Variants in ILKAP observed in about 807,000 individuals in gnomAD.
ILKAP encodes the protein ILK associated serine/threonine phosphatase.
In ILKAP, 11 loss-of-function variants were observed where a neutral mutation model predicts 49.1. That is an observed-to-expected ratio of 0.22 (90% CI 0.14 to 0.37). The LOEUF (loss-of-function observed/expected upper bound fraction) is 0.37, where lower values mean the gene tolerates loss of function less well. ILKAP is among the 10% of genes least tolerant of loss of function. The probability of loss-of-function intolerance (pLI) is 1.00; values close to 1 mark genes in which losing one functional copy is unlikely to be tolerated. For synonymous variants in ILKAP, 186 were observed against 192.8 expected, an observed-to-expected ratio of 0.96 and a Z score of 0.29; for missense variants, 363 against 510.8, an observed-to-expected ratio of 0.71 and a Z score of 2.79.
At chr2:238,199,939 A>C (rs1694501072) in intron 1 of ILKAP, among the ~76,000 whole-genome samples, 1 of 152,152 alleles carries the variant, frequency 6.6e-6, no homozygotes, top group Admixed American at 6.5e-5. Context: ...AGTATTTTTA[A>C]GATGGTGTGG....
Position 238,188,163 on chromosome 2 carries a change from G to C in ILKAP, c.393C>G (p.Ile131Met), listed in dbSNP as rs1388788348. 6.2e-7 allele frequency: 1 copy of C among 1,614,024 alleles called. No homozygotes were observed. Among genetic ancestry groups the C allele is most frequent in the East Asian group, 2.2e-5 (1 of 44,902 alleles). ...ACGATGGGGGCCTACACTCCTCGGT[G>C]ATGTCGTTCAGGATGACGTGGGCAT... ...MQDAHVILND[I>M]TEECRPPSSL... Residue 131 changes from isoleucine (I) to methionine (M), a missense_variant, in exon 5 of 12, where the codon ATC becomes ATG. By Grantham distance (10) the Ile-to-Met change is conservative. This residue lies in a region of ILKAP where 166 missense variants were observed against 307.3 expected (regional missense o/e 0.54). Transcript: ENST00000254654.
chr2:238,192,377 CT>C (rs1381643394), intron 3 of ILKAP, among the ~76,000 whole-genome samples: 4 of 152,056 alleles, frequency 2.6e-5, no homozygotes, highest in African/African-American at 9.7e-5. Flanking sequence ...ACATAATCAA[CT>C]TTTGTAAATG....
intron 3 of ILKAP, among the ~76,000 whole-genome samples, chr2:238,192,469 G>A (rs912727507): frequency 2.0e-5 from 3 of 152,076 alleles, no homozygotes; most frequent in African/African-American, 4.8e-5. Flanking sequence ...GGAGGCCGAG[G>A]CAGGCGGATC....
At chr2:238,171,153 CTTTTTTCTTTTTTT>C in intron 10 of ILKAP, 129 bp from the exon 11 acceptor site, 2 of 509,188 alleles carry the variant, frequency 3.9e-6, no homozygotes, top group Non-Finnish European at 6.8e-6. Context: ...TTTTTTTTTT[CTTTTTTCTTTTTTT>C]TTTTTTTTTG....
intron 9 of ILKAP, among the ~76,000 whole-genome samples, chr2:238,177,002 A>C (rs560480461): frequency 1.2e-4 from 19 of 152,386 alleles, no homozygotes; most frequent in African/African-American, 4.1e-4. Context: ...ATCAAGTTCT[A>C]GGCACACAGT....
At chr2:238,191,973 G>A (rs969331179) in intron 3 of ILKAP, among the ~76,000 whole-genome samples, 1 of 151,702 alleles carries the variant, frequency 6.6e-6, no homozygotes, top group South Asian at 2.1e-4. Flanking sequence ...AGCACTTTGG[G>A]AGGCAGAGGC....
Position 238,188,136 on chromosome 2 carries a change from G to C in ILKAP, c.420C>G (p.Ser140=). ...TCCTACCACATGAGACTCACATGAG[G>C]GACGATGGGGGCCTACACTCCTCGG... ...DITEECRPPS[S]LITRVSYFAV... The change falls in exon 5 of 12, where the codon TCC becomes TCG. Residue 140 remains serine (S), a synonymous_variant. Transcript: ENST00000254654. The C allele has an allele frequency of 6.2e-7, 1 of 1,614,000 alleles. No individual in the cohort carries two copies. Among genetic ancestry groups the C allele is most frequent in the Non-Finnish European group, 8.5e-7 (1 of 1,179,976 alleles).
chr2:238,190,419 T>C (rs1335518655), intron 3 of ILKAP, among the ~76,000 whole-genome samples: 1 of 152,154 alleles, frequency 6.6e-6, no homozygotes, highest in African/African-American at 2.4e-5. Context: ...AGAACTGTAA[T>C]ACATCCTTTC....
At chr2:238,173,436 AC>A in intron 10 of ILKAP, 97 bp downstream of exon 10, 1 of 1,501,138 alleles carries the variant, frequency 6.7e-7, no homozygotes, top group Non-Finnish European at 9.1e-7. Flanking sequence ...AGCACCATGC[AC>A]ACCTTCCCTC....
In ILKAP at chr2:238,203,556, C is replaced by G. The variant is rs975878755; in HGVS notation, c.-3G>C. 1.7e-6 allele frequency: 2 copies of G among 1,170,460 alleles called. No homozygotes were observed. The highest frequency in any genetic ancestry group is 2.1e-6 in the Non-Finnish European group (2 of 944,830). 72.5% of individuals were successfully genotyped at this position (1,170,460 alleles called of 1,614,324 possible). A position where few individuals can be genotyped will look rare whatever the true frequency, so the allele number is the denominator to read the frequency against. On this transcript the variant is annotated 5_prime_UTR_variant, in exon 1 of 12. Transcript: ENST00000254654. ...GGCAGGTCCCCGAAGAGGTCCATGG[C>G]GGAGGCTGGGTGGAGGCGGCAGCAG...
intron 9 of ILKAP, among the ~76,000 whole-genome samples, chr2:238,181,596 A>C (rs530615762): frequency 6.6e-6 from 1 of 151,934 alleles, no homozygotes; most frequent in Non-Finnish European, 1.5e-5. Context: ...TAACTTATTC[A>C]ATGTGAAAAG....
chr2:238,170,478 C>A lies in ILKAP; in HGVS notation c.*58G>T. ...GTACACAAAACACACAATGTGCACACACACAAAATGAACCTTTTAAGTCAA... is the reference window on the plus strand; with the variant it reads ...GTACACAAAACACACAATGTGCACAAACACAAAATGAACCTTTTAAGTCAA... On this transcript the variant is annotated 3_prime_UTR_variant, in exon 12 of 12. Transcript: ENST00000254654. The A allele has an allele frequency of 6.5e-7, 1 of 1,532,028 alleles. No individual in the cohort carries two copies. Among genetic ancestry groups the A allele is most frequent in the East Asian group, 2.3e-5 (1 of 43,684 alleles). 94.9% of individuals were successfully genotyped at this position (1,532,028 alleles called of 1,614,324 possible).
In ILKAP at chr2:238,192,744, G is replaced by A. The variant is rs533230290; in HGVS notation, c.178+1531C>T. Among the ~76,000 whole-genome samples, 200 of 150,370 alleles carry A rather than the reference G, an allele frequency of 1.3e-3. 1 individual carries two copies. The highest frequency in any genetic ancestry group is 2.2e-3 in the Non-Finnish European group (152 of 67,806). On this transcript the variant is annotated intron_variant, in intron 3 of 11. Transcript: ENST00000254654. ...AAGAATGTGTTATCGGCTGGGTGCA[G>A]TGGCTCACGCCTGTAATCTCAGCAC...
In ILKAP at chr2:238,198,499, A is replaced by G. The variant is rs185663877; in HGVS notation, c.56-3629T>C. On this transcript the variant is annotated intron_variant, in intron 1 of 11. Coordinates refer to ENST00000254654, the MANE Select transcript of ILKAP (RefSeq NM_030768.3). ...AGCAATCTTCCTGCCTCAGCATCCC[A>G]AAGTGCTGGGATTACAGATGTGACC... Among the ~76,000 whole-genome samples the G allele has an allele frequency of 1.8e-3, 270 of 152,312 alleles. 4 individuals carry two copies. The highest frequency in any genetic ancestry group is 0.016 in the Admixed American group (252 of 15,300).
chr2:238,180,801 T>A (rs1693657396), intron 9 of ILKAP, among the ~76,000 whole-genome samples: 1 of 152,254 alleles, frequency 6.6e-6, no homozygotes, highest in Non-Finnish European at 1.5e-5. Context: ...TGGCCTTACT[T>A]TCAGCCATCG....
At chr2:238,190,715 A>T (rs72991011) in intron 3 of ILKAP, among the ~76,000 whole-genome samples, 2,016 of 152,182 alleles carry the variant, frequency 0.013, 16 homozygotes, top group South Asian at 0.05. Context: ...GTCCTAATAA[A>T]TGACTTGAAA....
intron 9 of ILKAP, among the ~76,000 whole-genome samples, chr2:238,180,060 A>C (rs946094042): frequency 6.6e-6 from 1 of 152,064 alleles, no homozygotes; most frequent in Non-Finnish European, 1.5e-5. Context: ...GGTCCCAGCT[A>C]CTTGGGAGGC....
chr2:238,197,749 A>G (rs1694405341), intron 1 of ILKAP, among the ~76,000 whole-genome samples: 1 of 152,176 alleles, frequency 6.6e-6, no homozygotes, highest in Non-Finnish European at 1.5e-5. Context: ...GAGGTATTTC[A>G]ATTAAACACA....
intron 3 of ILKAP, among the ~76,000 whole-genome samples, chr2:238,192,389 G>A (rs745905416): frequency 2.0e-5 from 3 of 151,886 alleles, no homozygotes; most frequent in Non-Finnish European, 2.9e-5. Context: ...TTTGTAAATG[G>A]TTCCTGCCCG....
Sources: allele counts gnomAD v4.1 joint callset (sites outside exome capture counted in the v4.1 genomes callset), GRCh38; gene constraint gnomAD v4.1.1; regional missense constraint gnomAD v4.1.1; transcripts MANE v1.5; gene names NCBI Gene and HGNC (gene_info 2026-07-23, HGNC 2026-07-21).